Variants in FREM3 observed in about 807,000 individuals in gnomAD.
The protein encoded by FREM3 is FRAS1-related extracellular matrix protein 3.
FREM3 carries 105 observed loss-of-function variants against 129.1 expected under a neutral mutation model. The observed-to-expected ratio is 0.81, with a 90% CI of 0.69 to 0.96. FREM3 has a LOEUF of 0.96. Ranked by LOEUF, FREM3 falls within the 40% of genes least tolerant of loss-of-function variation. The pLI is 0.00. For missense variants in FREM3, 2,593 were observed against 2,666.3 expected (o/e 0.97, Z 0.61); for synonymous variants, 1,014 against 1,044.9 (o/e 0.97, Z 0.57).
At chr4:143,662,636 C>T (rs567751200) in intron 2 of FREM3, among the ~76,000 whole-genome samples, 1 of 151,938 alleles carries the variant, frequency 6.6e-6, no homozygotes, top group Non-Finnish European at 1.5e-5. Context: ...CCTGGATATC[C>T]TTGTTAACTT....
At chr4:143,682,212 C>T (rs1189280965) in intron 2 of FREM3, among the ~76,000 whole-genome samples, 2 of 152,184 alleles carry the variant, frequency 1.3e-5, no homozygotes, top group Admixed American at 1.3e-4. Context: ...TTCACACCAA[C>T]TTCCTAGAAC....
chr4:143,616,557 C>A (rs1288508979), intron 5 of FREM3, among the ~76,000 whole-genome samples: 18 of 151,986 alleles, frequency 1.2e-4, no homozygotes, highest in Non-Finnish European at 2.6e-4. Flanking sequence ...GAGGCCGAGG[C>A]GGACGGATCA....
chr4:143,659,101 A>G (rs1739654782), intron 2 of FREM3, among the ~76,000 whole-genome samples: 1 of 139,448 alleles, frequency 7.2e-6, no homozygotes, highest in South Asian at 2.2e-4. Context: ...TATTATTATT[A>G]TTATTATTAT....
In FREM3 at chr4:143,698,158, AG is replaced by A; in HGVS notation, c.2517del (p.Leu840Ter). On this transcript the variant is annotated frameshift_variant, in exon 1 of 8. Coordinates refer to ENST00000329798, the MANE Select transcript of FREM3 (RefSeq NM_001168235.2). LOFTEE classifies it high-confidence loss of function. ...PPEVTNRGFA[I>X]LEGGSFNLSS... is the part of the protein sequence containing the mutation. ...CTGAGGTTAAAGCTGCCTCCCTCTA[AG>A]ATAGCAAAGCCTCTGTTGGTGACTT... is the stretch of plus-strand genomic sequence containing the variant. 1 of 1,537,454 alleles carries A rather than the reference AG, an allele frequency of 6.5e-7. No homozygotes were observed.
chr4:143,695,392 A>T, intron 1 of FREM3, 99 bp downstream of exon 1: 1 of 1,013,430 alleles, frequency 9.9e-7, no homozygotes, highest in Non-Finnish European at 1.4e-6. Flanking sequence ...CAAGAATCTT[A>T]CTGCAAATGG....
intron 2 of FREM3, among the ~76,000 whole-genome samples, chr4:143,650,955 GA>G (rs1578851048): frequency 6.6e-6 from 1 of 152,318 alleles, no homozygotes; most frequent in East Asian, 1.9e-4. Flanking sequence ...TTTTTTCAAT[GA>G]TGGGATTATC....
At chr4:143,649,468 C>G (rs923679960) in intron 2 of FREM3, among the ~76,000 whole-genome samples, 1 of 152,188 alleles carries the variant, frequency 6.6e-6, no homozygotes, top group Non-Finnish European at 1.5e-5. Context: ...CATACCAACC[C>G]AGGGAAAGAA....
At chr4:143,629,141 G>T (rs1158463988) in intron 2 of FREM3, among the ~76,000 whole-genome samples, 1 of 152,144 alleles carries the variant, frequency 6.6e-6, no homozygotes, top group Non-Finnish European at 1.5e-5. Context: ...CCCCTTTAAA[G>T]AGCTGCCACC....
At chr4:143,639,080 A>T (rs1739278628) in intron 2 of FREM3, among the ~76,000 whole-genome samples, 1 of 152,106 alleles carries the variant, frequency 6.6e-6, no homozygotes, top group African/African-American at 2.4e-5. Context: ...ATCAAATATG[A>T]AGATAGATGT....
chr4:143,653,408 C>T (rs973567385), intron 2 of FREM3, among the ~76,000 whole-genome samples: 7 of 152,256 alleles, frequency 4.6e-5, no homozygotes, highest in South Asian at 4.1e-4. Flanking sequence ...TAGAGGCTTC[C>T]GGCAGTTCCG....
intron 6 of FREM3, among the ~76,000 whole-genome samples, chr4:143,606,817 C>T (rs898849863): frequency 4.6e-5 from 7 of 151,944 alleles, no homozygotes; most frequent in African/African-American, 9.7e-5. Context: ...ATTTCTTGTC[C>T]TTAGCAAGAC....
At chr4:143,676,660 A>G (rs1740135019) in intron 2 of FREM3, among the ~76,000 whole-genome samples, 1 of 152,176 alleles carries the variant, frequency 6.6e-6, no homozygotes, top group Non-Finnish European at 1.5e-5. Flanking sequence ...CTCAGCCCAA[A>G]ATCTCCTTAA....
chr4:143,647,861 G>A (rs184055242), intron 2 of FREM3, among the ~76,000 whole-genome samples: 199 of 152,284 alleles, frequency 1.3e-3, no homozygotes, highest in Non-Finnish European at 2.6e-3. Flanking sequence ...CCCCACTGGG[G>A]CACTGCCTGA....
In FREM3 at chr4:143,698,456, T is replaced by C; in HGVS notation, c.2220A>G (p.Leu740=). ...TCGGGAGTGTCAGTAGGGTGTACCA[T>C]AGGTTCTGGTCATCAGAGTCCTGGT... ...YIDQDSDDQN[L]WYTLLTLPTD... is the part of the protein sequence containing the mutation. Residue 740 remains leucine, a synonymous_variant, in exon 1 of 8, where the codon CTA becomes CTG. Transcript: ENST00000329798. The C allele has an allele frequency of 6.5e-7, 1 of 1,537,842 alleles. No individual in the cohort carries two copies. The highest frequency in any genetic ancestry group is 2.4e-5 in the East Asian group (1 of 40,914).
chr4:143,595,636 C>T (rs1046955583), intron 6 of FREM3, among the ~76,000 whole-genome samples: 6 of 152,106 alleles, frequency 3.9e-5, no homozygotes, highest in Admixed American at 6.5e-5. Flanking sequence ...GCCTGTAATC[C>T]CAGCACTTTG....
intron 2 of FREM3, among the ~76,000 whole-genome samples, chr4:143,659,728 T>A (rs1289354903): frequency 6.6e-6 from 1 of 151,008 alleles, no homozygotes; most frequent in African/African-American, 2.5e-5. Flanking sequence ...TTTCTCCACA[T>A]CCTCTTCAGC....
At chr4:143,633,642 T>C (rs1378379046) in intron 2 of FREM3, among the ~76,000 whole-genome samples, 2 of 152,188 alleles carry the variant, frequency 1.3e-5, no homozygotes, top group African/African-American at 4.8e-5. Context: ...ACTGGGTACA[T>C]TAAAGCTATA....
Position 143,669,671 on chromosome 4 carries a change from C to A in FREM3, c.5275+23442G>T, listed in dbSNP as rs1318588824. On this transcript the variant is annotated intron_variant, in intron 2 of 7. Transcript: ENST00000329798. ...TTTCAGTTCGGAAAAAAAAAAAAAACCACAAGTCACCTAAGGACTTGTCCT... is the reference window on the plus strand; with the variant it reads ...TTTCAGTTCGGAAAAAAAAAAAAAAACACAAGTCACCTAAGGACTTGTCCT... Among the ~76,000 whole-genome samples, 23 of 149,492 alleles carry A rather than the reference C, an allele frequency of 1.5e-4. 1 individual carries two copies. Among genetic ancestry groups the A allele is most frequent in the East Asian group, 3.9e-4 (2 of 5,110 alleles).
At chr4:143,631,042 A>G (rs1578842586) in intron 2 of FREM3, among the ~76,000 whole-genome samples, 2 of 152,262 alleles carry the variant, frequency 1.3e-5, no homozygotes, top group African/African-American at 4.8e-5. Flanking sequence ...GAGAGTTTTC[A>G]TTAAAGTATT....
Sources: gnomAD v4.1 joint callset for allele counts (sites outside exome capture counted in the v4.1 genomes callset) on GRCh38, gnomAD v4.1.1 for gene constraint, MANE v1.5 for transcripts, NCBI Gene and HGNC (gene_info 2026-07-23, HGNC 2026-07-21) for gene names.